The following WDR70 variants were observed in gnomAD, a reference collection of about 807,000 sequenced individuals.
The protein encoded by WDR70 is WD repeat domain 70.
A neutral mutation model predicts 88.6 loss-of-function variants in WDR70; 53 were observed. The ratio of observed to expected loss-of-function variants is 0.60; its 90% confidence interval spans 0.48 to 0.75. WDR70 has a LOEUF of 0.75. WDR70 is among the 30% of genes least tolerant of loss of function. The pLI, the probability that WDR70 is intolerant of heterozygous loss-of-function variation, is 0.00. For missense variants in WDR70, 610 were observed against 823.2 expected, an observed-to-expected ratio of 0.74 and a Z score of 3.17; for synonymous variants, 280 against 270.0, an observed-to-expected ratio of 1.04 and a Z score of -0.36.
chr5:37,417,805 G>A (rs1030094383), intron 5 of WDR70, among the ~76,000 whole-genome samples: 1 of 152,078 alleles, frequency 6.6e-6, no homozygotes, highest in Admixed American at 6.6e-5. Context: ...CCTTGGCCTC[G>A]CAAAGTCCTG....
At chr5:37,577,109 G>A (rs1269479567) in intron 9 of WDR70, among the ~76,000 whole-genome samples, 1 of 152,148 alleles carries the variant, frequency 6.6e-6, no homozygotes, top group Admixed American at 6.5e-5. Context: ...CCTGAGCTAG[G>A]TTCTAAGGGA....
intron 8 of WDR70, chr5:37,506,366 A>G: frequency 1.2e-6 from 1 of 814,752 alleles, no homozygotes; most frequent in South Asian, 1.4e-5. Context: ...CACCCAATAA[A>G]TTAATGCCAT....
chr5:37,585,731 GCT>G (rs1397616974), intron 9 of WDR70, among the ~76,000 whole-genome samples: 1 of 152,216 alleles, frequency 6.6e-6, no homozygotes, highest in Admixed American at 6.6e-5. Flanking sequence ...CATGGGTCAG[GCT>G]CTGTTACTGG....
At chr5:37,700,966 A>G in intron 11 of WDR70, 92 bp from the exon 12 acceptor site, 1 of 736,168 alleles carries the variant, frequency 1.4e-6, no homozygotes, top group Non-Finnish European at 2.4e-6. Flanking sequence ...CTTTACAGTT[A>G]TACATTAAGT....
At chr5:37,392,872 C>T (rs1748884331) in intron 4 of WDR70, among the ~76,000 whole-genome samples, 1 of 151,524 alleles carries the variant, frequency 6.6e-6, no homozygotes, top group Non-Finnish European at 1.5e-5. Context: ...GTCTCCAACT[C>T]CTGACCTCGT....
intron 10 of WDR70, among the ~76,000 whole-genome samples, chr5:37,641,388 G>A (rs1293448885): frequency 6.9e-6 from 1 of 145,554 alleles, no homozygotes; most frequent in Non-Finnish European, 1.5e-5. Context: ...TTACAGGCAT[G>A]GGCCACCACA....
intron 13 of WDR70, among the ~76,000 whole-genome samples, chr5:37,708,046 T>G (rs1747409288): frequency 1.5e-5 from 2 of 134,636 alleles, no homozygotes; most frequent in Admixed American, 1.7e-4. Flanking sequence ...AAAGGTATTT[T>G]AAGGAAGAAA....
At chr5:37,450,929 A>G (rs12523118) in intron 7 of WDR70, among the ~76,000 whole-genome samples, 131,799 of 151,940 alleles carry the variant, frequency 0.87, 60,176 homozygotes, top group East Asian at 1. Flanking sequence ...ATGGAGTTTC[A>G]CTCTTGTTGC....
intron 10 of WDR70, among the ~76,000 whole-genome samples, chr5:37,687,668 T>C (rs1746651463): frequency 6.6e-6 from 1 of 152,134 alleles, no homozygotes; most frequent in Non-Finnish European, 1.5e-5. Context: ...CAAAATCACC[T>C]GTAGTCAAAA....
chr5:37,402,965 G>A (rs898776353), intron 5 of WDR70, among the ~76,000 whole-genome samples: 4 of 9,802 alleles, frequency 4.1e-4, no homozygotes, highest in Non-Finnish European at 9.8e-4. Flanking sequence ...TTTTTTTTTT[G>A]AGTCAAAGTC....
chr5:37,523,649 A>G (rs1741167072), intron 9 of WDR70, among the ~76,000 whole-genome samples: 1 of 152,226 alleles, frequency 6.6e-6, no homozygotes, highest in Admixed American at 6.5e-5. Context: ...AGACGAGTTG[A>G]GATAAGAAGG....
intron 10 of WDR70, among the ~76,000 whole-genome samples, chr5:37,668,195 C>A (rs1456236972): frequency 6.6e-6 from 1 of 152,130 alleles, no homozygotes; most frequent in Non-Finnish European, 1.5e-5. Flanking sequence ...CATTTGGAGA[C>A]CTACAGAATA....
intron 10 of WDR70, among the ~76,000 whole-genome samples, chr5:37,667,844 G>GAAAA (rs70978835): frequency 1.1e-4 from 9 of 82,748 alleles, no homozygotes; most frequent in African/African-American, 6.1e-4. Context: ...TGTACGATCT[G>GAAAA]AAAAAAAAAA....
At chr5:37,719,793 C>G (rs1356003688) in intron 13 of WDR70, among the ~76,000 whole-genome samples, 1 of 151,724 alleles carries the variant, frequency 6.6e-6, no homozygotes, top group Admixed American at 6.6e-5. Context: ...TTGCCATTCA[C>G]ATGGGAGTCA....
At chr5:37,515,983 T>G (rs185349145) in intron 8 of WDR70, among the ~76,000 whole-genome samples, 29 of 152,348 alleles carry the variant, frequency 1.9e-4, no homozygotes, top group African/African-American at 6.3e-4. Flanking sequence ...TTTTCCTCAA[T>G]CATTTAAAAT....
intron 10 of WDR70, among the ~76,000 whole-genome samples, chr5:37,673,582 T>TTTCCC (rs1222254300): frequency 2.1e-5 from 1 of 48,554 alleles, no homozygotes; most frequent in Non-Finnish European, 4.0e-5. Flanking sequence ...TGACTTTTCT[T>TTTCCC]ACCCCCCCCC....
intron 10 of WDR70, among the ~76,000 whole-genome samples, chr5:37,656,105 G>C (rs1235300071): frequency 1.3e-5 from 2 of 151,884 alleles, no homozygotes; most frequent in Non-Finnish European, 2.9e-5. Flanking sequence ...TGATGCTGAT[G>C]CCCTTTGGAT....
chr5:37,654,605 T>C (rs561149312), intron 10 of WDR70, among the ~76,000 whole-genome samples: 5 of 152,338 alleles, frequency 3.3e-5, no homozygotes, highest in African/African-American at 1.2e-4. Flanking sequence ...TCTAAGAACT[T>C]GCTTTATGAA....
chr5:37,717,500 C>T (rs767805731), intron 13 of WDR70, among the ~76,000 whole-genome samples: 22 of 152,250 alleles, frequency 1.4e-4, no homozygotes, highest in Non-Finnish European at 2.5e-4. Context: ...GAATGTGTCA[C>T]GCTCCCAGTA....
Sources: gnomAD v4.1 joint callset for allele counts (sites outside exome capture counted in the v4.1 genomes callset) on GRCh38, gnomAD v4.1.1 for gene constraint, MANE v1.5 for transcripts, NCBI Gene and HGNC (gene_info 2026-07-23, HGNC 2026-07-21) for gene names.